TENM1: variants seen among roughly 807,000 people sequenced by gnomAD.
TENM1 encodes teneurin transmembrane protein 1, also known as teneurin-1.
Under a neutral mutation model 174.8 loss-of-function variants are expected in TENM1, and 35 were observed. The observed-to-expected ratio is 0.20, with a 90% CI of 0.15 to 0.27. TENM1 has a LOEUF of 0.27. TENM1 is among the 10% of genes least tolerant of loss of function. TENM1 has a pLI of 1.00. For synonymous variants in TENM1, 781 were observed against 798.7 expected (o/e 0.98, Z 0.37); for missense variants, 1,633 against 2,130.1 (o/e 0.77, Z 4.59).
chrX:124,376,239 G>A (rs1001809263), exon 32 of TENM1: 1 of 112,262 alleles, frequency 8.9e-6, no homozygotes, highest in African/African-American at 3.2e-5. Context: ...TACAGAAACT[G>A]AAAACTTGGC....
At chrX:124,783,719 T>C (rs2147181477) in intron 3 of TENM1, among the ~76,000 whole-genome samples, 1 of 111,625 alleles carries the variant, frequency 9.0e-6, no homozygotes, top group East Asian at 2.8e-4. Flanking sequence ...TTTTATTTAT[T>C]TATTTTTTAT....
At chrX:124,722,764 C>T (rs1238026095) in intron 4 of TENM1, among the ~76,000 whole-genome samples, 5 of 101,151 alleles carry the variant, frequency 4.9e-5, no homozygotes, top group East Asian at 3.2e-4. Flanking sequence ...GGCTTGAACC[C>T]GGGAGGCGGA....
exon 25 of TENM1, chrX:124,420,575 T>C: frequency 3.3e-6 from 4 of 1,212,244 alleles, no homozygotes; most frequent in Non-Finnish European, 4.5e-6. Flanking sequence ...GGTGAAGTTA[T>C]AAACATAGTC....
chrX:124,505,680 C>T (rs987448571), intron 18 of TENM1, among the ~76,000 whole-genome samples: 1 of 111,301 alleles, frequency 9.0e-6, no homozygotes, highest in Non-Finnish European at 1.9e-5. Context: ...GGTTCTTAGA[C>T]GCTTTTGGGT....
chrX:124,718,532 G>C (rs1035008780), intron 4 of TENM1, among the ~76,000 whole-genome samples: 1 of 112,299 alleles, frequency 8.9e-6, no homozygotes, highest in Non-Finnish European at 1.9e-5. Flanking sequence ...GATATGACAA[G>C]TTAATTGGGG....
intron 27 of TENM1, among the ~76,000 whole-genome samples, chrX:124,394,304 T>G (rs1462981780): frequency 8.9e-6 from 1 of 112,530 alleles, no homozygotes; most frequent in African/African-American, 3.2e-5. Flanking sequence ...ATCTGAAAGC[T>G]ATGCAATGTA....
chrX:124,825,722 A>G (rs2056144857), intron 3 of TENM1, among the ~76,000 whole-genome samples: 5 of 112,129 alleles, frequency 4.5e-5, no homozygotes, highest in Non-Finnish European at 9.4e-5. Context: ...ATTATTTCAA[A>G]CATGCATCGA....
intron 28 of TENM1, among the ~76,000 whole-genome samples, chrX:124,389,993 G>T (rs1411761899): frequency 8.9e-6 from 1 of 111,764 alleles, no homozygotes; most frequent in Non-Finnish European, 1.9e-5. Flanking sequence ...AAATAAGCTG[G>T]TTTGTCTCAC....
chrX:125,180,649 A>T, the TENM1 span, among the ~76,000 whole-genome samples: 1 of 111,044 alleles, frequency 9.0e-6, no homozygotes, highest in African/African-American at 3.3e-5. Context: ...TTTCACAAGC[A>T]ACATTAGAAA....
At chrX:124,677,693 T>C (rs1194398955) in intron 5 of TENM1, among the ~76,000 whole-genome samples, 6 of 111,381 alleles carry the variant, frequency 5.4e-5, no homozygotes, top group Non-Finnish European at 1.1e-4. Context: ...TGAAATCCTT[T>C]ATAAGAATTA....
Position 124,656,214 on chromosome X carries a change from C to T in TENM1, c.1169-2431G>A, listed in dbSNP as rs192305696. Reference sequence around the variant, plus strand: ...AACAAAACTGGTTGATGGACATTAACCTTTATATTAAAACCTTACCAAATA... The same window carrying T: ...AACAAAACTGGTTGATGGACATTAATCTTTATATTAAAACCTTACCAAATA... On this transcript the variant is annotated intron_variant, in intron 6 of 31. Coordinates refer to ENST00000422452, the Ensembl canonical transcript of TENM1. 2.8e-3 allele frequency among the ~76,000 whole-genome samples: 310 copies of T among 112,217 alleles called. 3 individuals carry two copies. The highest frequency in any genetic ancestry group is 9.8e-3 in the African/African-American group (303 of 30,938).
At chrX:125,178,972 T>TA in the TENM1 span, among the ~76,000 whole-genome samples, 6,510 of 99,471 alleles carry the variant, frequency 0.065, 537 homozygotes, top group African/African-American at 0.22. Context: ...CCCCATCTCC[T>TA]AAAAAAAAAA....
At chrX:124,690,667 G>A (rs905378171) in intron 5 of TENM1, among the ~76,000 whole-genome samples, 18 of 110,458 alleles carry the variant, frequency 1.6e-4, no homozygotes, top group African/African-American at 4.3e-4. Flanking sequence ...AAATGGTTTC[G>A]TGCTATCCTG....
At chrX:125,176,855 T>G in the TENM1 span, among the ~76,000 whole-genome samples, 1 of 111,493 alleles carries the variant, frequency 9.0e-6, no homozygotes, top group African/African-American at 3.3e-5. Flanking sequence ...AATAATAACT[T>G]CATGTACTTT....
intron 3 of TENM1, among the ~76,000 whole-genome samples, chrX:124,797,520 T>C (rs191908582): frequency 1.8e-5 from 2 of 111,349 alleles, no homozygotes; most frequent in African/African-American, 6.5e-5. Flanking sequence ...GTTGCATTTT[T>C]CAGAGACAGT....
At chrX:124,769,632 G>T (rs962489477) in intron 3 of TENM1, among the ~76,000 whole-genome samples, 1 of 111,925 alleles carries the variant, frequency 8.9e-6, no homozygotes, top group Non-Finnish European at 1.9e-5. Flanking sequence ...GAGTTCATCT[G>T]GTGTCAGTAC....
chrX:124,497,093 G>A lies in TENM1; in HGVS notation c.3618C>T (p.Gly1206=). The change falls in exon 20 of 32, where the codon GGC becomes GGT. Residue 1206 remains glycine, a synonymous_variant. Transcript: ENST00000422452. ...AATTGAAGTCGCCAACATACACACT[G>A]CCATCAGGGCCAGAAGCTAAGGCGA... 8.3e-7 allele frequency: 1 copy of A among 1,209,306 alleles called. No homozygotes were observed. Among genetic ancestry groups the A allele is most frequent in the Non-Finnish European group, 1.1e-6 (1 of 893,867 alleles).
intron 3 of TENM1, among the ~76,000 whole-genome samples, chrX:124,809,073 G>A (rs1319843419): frequency 9.0e-6 from 1 of 111,011 alleles, no homozygotes; most frequent in African/African-American, 3.3e-5. Flanking sequence ...CGAACCTTTA[G>A]CTAGACTGAG....
In TENM1 at chrX:124,629,171, A is replaced by G. The variant is rs140930329; in HGVS notation, c.2077+12620T>C. ...TCACTGAACTATAATCTTAGTTGACACATCAGGAATGTAAATTTTCCTTGA... is the reference window on the plus strand; with the variant it reads ...TCACTGAACTATAATCTTAGTTGACGCATCAGGAATGTAAATTTTCCTTGA... On this transcript the variant is annotated intron_variant, in intron 11 of 31. Transcript: ENST00000422452. Among the ~76,000 whole-genome samples, 878 of 112,526 alleles carry G rather than the reference A, an allele frequency of 7.8e-3. 5 individuals are homozygous for G. Among genetic ancestry groups the G allele is most frequent in the African/African-American group, 0.027 (844 of 31,010 alleles).
Sources: gnomAD v4.1 joint callset for allele counts (sites outside exome capture counted in the v4.1 genomes callset) on GRCh38, gnomAD v4.1.1 for gene constraint, MANE v1.5 for transcripts, NCBI Gene and HGNC (gene_info 2026-07-23, HGNC 2026-07-21) for gene names.